The following TNS3 variants were observed in gnomAD, a reference collection of about 807,000 sequenced individuals.
The protein encoded by TNS3 is tensin 3, also known as tensin-3.
Under a neutral mutation model 140.9 loss-of-function variants are expected in TNS3, and 45 were observed. The observed-to-expected ratio is 0.32, with a 90% CI of 0.25 to 0.41. TNS3 has a LOEUF of 0.41. Among genes scored for constraint, TNS3 ranks in the 10% least tolerant of loss-of-function variants. TNS3 has a pLI of 1.00. For synonymous variants in TNS3, 815 were observed against 788.4 expected, an observed-to-expected ratio of 1.03 and a Z score of -0.56; for missense variants, 1,716 against 1,906.7, an observed-to-expected ratio of 0.90 and a Z score of 1.86.
intron 20 of TNS3, among the ~76,000 whole-genome samples, chr7:47,312,738 AG>A (rs1396352653): frequency 1.0e-4 from 10 of 98,462 alleles, no homozygotes; most frequent in African/African-American, 3.9e-4. Context: ...ATAAAATGTC[AG>A]GGGGAGGGGG....
intron 13 of TNS3, among the ~76,000 whole-genome samples, chr7:47,401,662 G>A (rs1425503738): frequency 6.6e-6 from 1 of 152,186 alleles, no homozygotes; most frequent in African/African-American, 2.4e-5. Flanking sequence ...GGAACGGTGG[G>A]CAGAGCAGGA....
At position 47,568,100 on chromosome 7, in the gene TNS3, C is replaced by G. The variant is rs532717518; in HGVS notation, c.-265+13951G>C. Among the ~76,000 whole-genome samples the G allele has an allele frequency of 4.9e-4, 75 of 152,320 alleles. 1 individual carries two copies. Among genetic ancestry groups the G allele is most frequent in the African/African-American group, 1.7e-3 (72 of 41,568 alleles). On this transcript the variant is annotated intron_variant, in intron 1 of 30. Coordinates refer to ENST00000311160, the MANE Select transcript of TNS3 (RefSeq NM_022748.12). ...CAAGACCCTCTGAGAGGCTGCCCTG[C>G]CATCAAGCTCTTGAAAAGTTGGCAC... is the stretch of plus-strand genomic sequence containing the variant.
chr7:47,330,958 G>A (rs1232634885), intron 20 of TNS3, among the ~76,000 whole-genome samples: 9 of 152,100 alleles, frequency 5.9e-5, no homozygotes, highest in Non-Finnish European at 8.8e-5. Flanking sequence ...CTGTCCCACC[G>A]GACTCGGGCG....
intron 1 of TNS3, among the ~76,000 whole-genome samples, chr7:47,562,206 G>T (rs1800330549): frequency 6.6e-6 from 1 of 152,102 alleles, no homozygotes; most frequent in African/African-American, 2.4e-5. Flanking sequence ...GTATGTCTCT[G>T]ACCCGGAGAT....
chr7:47,574,162 T>C (rs1405859699), intron 1 of TNS3, among the ~76,000 whole-genome samples: 1 of 152,148 alleles, frequency 6.6e-6, no homozygotes, highest in African/African-American at 2.4e-5. Context: ...GACTGAACCA[T>C]TTATCCAAAT....
chr7:47,524,606 T>C (rs1336026651), intron 2 of TNS3, among the ~76,000 whole-genome samples: 1 of 149,652 alleles, frequency 6.7e-6, no homozygotes, highest in Non-Finnish European at 1.5e-5. Context: ...ATCGAGACCA[T>C]CCTGGCTAAC....
At chr7:47,431,986 C>T (rs1030046350) in intron 8 of TNS3, among the ~76,000 whole-genome samples, 5 of 152,026 alleles carry the variant, frequency 3.3e-5, no homozygotes, top group African/African-American at 1.2e-4. Flanking sequence ...ACAGAAAATC[C>T]GAACAAAACA....
chr7:47,408,549 G>C (rs1793574559), intron 13 of TNS3, among the ~76,000 whole-genome samples: 1 of 152,144 alleles, frequency 6.6e-6, no homozygotes, highest in Non-Finnish European at 1.5e-5. Context: ...ATAGAGGAAA[G>C]TGACCTGGTG....
rs575259867 is a variant in TNS3 at position 47,389,085 on chromosome 7, A to C, written c.1024+7715T>G. 1.3e-3 allele frequency among the ~76,000 whole-genome samples: 87 copies of C among 69,338 alleles called. 18 individuals carry two copies. Among genetic ancestry groups the C allele is most frequent in the African/African-American group, 6.1e-3 (79 of 12,998 alleles). 45.5% of individuals were successfully genotyped at this position (69,338 alleles called of 152,430 possible). A position where few individuals can be genotyped will look rare whatever the true frequency, so the allele number is the denominator to read the frequency against. On this transcript the variant is annotated intron_variant, in intron 16 of 30. Coordinates refer to ENST00000311160, the MANE Select transcript of TNS3 (RefSeq NM_022748.12). Reference sequence around the variant, plus strand: ...GAAGAAGAAGAAGAAGAAGAAGAAGAGGAAGAGGAAGAGGAAGCGGAAGCA... The same window carrying C: ...GAAGAAGAAGAAGAAGAAGAAGAAGCGGAAGAGGAAGAGGAAGCGGAAGCA...
In TNS3 at chr7:47,324,894, C is replaced by T. The variant is rs141175792; in HGVS notation, c.2650+19861G>A. 4.2e-3 allele frequency among the ~76,000 whole-genome samples: 634 copies of T among 152,208 alleles called. 5 individuals carry two copies. The highest frequency in any genetic ancestry group is 0.014 in the African/African-American group (594 of 41,502). ...TAACTGTATAATTCCTGTATCCCTT[C>T]AATTGTCACCAAGATATCCTTGACT... On this transcript the variant is annotated intron_variant, in intron 20 of 30. Coordinates refer to ENST00000311160, the MANE Select transcript of TNS3 (RefSeq NM_022748.12).
chr7:47,293,691 CA>C, intron 25 of TNS3, 41 bp downstream of exon 25: 5 of 1,575,408 alleles, frequency 3.2e-6, no homozygotes, highest in Non-Finnish European at 4.4e-6. Context: ...ATCCAGGCCT[CA>C]TGAGTTCAGA....
intron 1 of TNS3, among the ~76,000 whole-genome samples, chr7:47,574,955 G>C (rs184539190): frequency 1.3e-5 from 2 of 152,068 alleles, no homozygotes; most frequent in African/African-American, 4.8e-5. Flanking sequence ...GCTGCACAAC[G>C]TGAAGGTTCT....
intron 3 of TNS3, among the ~76,000 whole-genome samples, chr7:47,484,964 C>T (rs1482262269): frequency 1.3e-5 from 2 of 152,208 alleles, no homozygotes; most frequent in African/African-American, 4.8e-5. Flanking sequence ...CTGACTTATT[C>T]AGAGAGAGCA....
chr7:47,303,488 A>G lies in TNS3; in HGVS notation c.2919T>C (p.Ala973=). 1 of 1,610,786 alleles carries G rather than the reference A, an allele frequency of 6.2e-7. No homozygotes were observed. Residue 973 remains alanine (A), a synonymous_variant, in exon 22 of 31, where the codon GCT becomes GCC. Coordinates refer to ENST00000311160, the MANE Select transcript of TNS3 (RefSeq NM_022748.12). ...AGTCCTTCCTGGTACCGGAGAACTC[A>G]GCGCTGAGGGGACTTCCGGTGGGCC... The part of the protein sequence containing the change: ...SGRPTGSPLS[A]EFSGTRKDSP...
chr7:47,475,745 G>C (rs576676240), intron 4 of TNS3, among the ~76,000 whole-genome samples: 4 of 152,336 alleles, frequency 2.6e-5, no homozygotes, highest in South Asian at 2.1e-4. Context: ...CTCTGCCCTT[G>C]AACTTCAATC....
At chr7:47,458,906 A>C (rs907430659) in intron 4 of TNS3, among the ~76,000 whole-genome samples, 10 of 152,236 alleles carry the variant, frequency 6.6e-5, no homozygotes, top group Admixed American at 1.3e-4. Context: ...ATACAAAAAG[A>C]AGCAGACAGA....
At chr7:47,351,673 G>C (rs1789681380) in intron 17 of TNS3, among the ~76,000 whole-genome samples, 1 of 152,152 alleles carries the variant, frequency 6.6e-6, no homozygotes, top group Non-Finnish European at 1.5e-5. Context: ...ACAACGTCTA[G>C]GGCAGAGATG....
chr7:47,471,320 G>T (rs114086198), intron 4 of TNS3, among the ~76,000 whole-genome samples: 134 of 152,306 alleles, frequency 8.8e-4, no homozygotes, highest in Middle Eastern at 3.4e-3. Flanking sequence ...GGAAACAGAG[G>T]CCGGGGCCAA....
At chr7:47,364,024 T>C (rs1159615243) in intron 17 of TNS3, among the ~76,000 whole-genome samples, 1 of 152,090 alleles carries the variant, frequency 6.6e-6, no homozygotes, top group East Asian at 1.9e-4. Context: ...ATCCCCAACC[T>C]TCTGACGATG....
Sources: gnomAD v4.1 joint callset for allele counts (sites outside exome capture counted in the v4.1 genomes callset) on GRCh38, gnomAD v4.1.1 for gene constraint, MANE v1.5 for transcripts, NCBI Gene and HGNC (gene_info 2026-07-23, HGNC 2026-07-21) for gene names.